BRINP2: variants seen among roughly 807,000 people sequenced by gnomAD.
BRINP2 encodes the protein BMP/retinoic acid inducible neural specific 2.
BRINP2 carries 21 observed loss-of-function variants against 69.2 expected under a neutral mutation model. The observed-to-expected ratio is 0.30, with a 90% CI of 0.22 to 0.44. BRINP2 has a LOEUF of 0.44. Ranked by LOEUF, BRINP2 falls within the 20% of genes least tolerant of loss-of-function variation. BRINP2 has a pLI of 1.00. For missense variants in BRINP2, 877 were observed against 986.0 expected (o/e 0.89, Z 1.48); for synonymous variants, 380 against 394.1 (o/e 0.96, Z 0.42).
intron 5 of BRINP2, chr1:177,275,072 C>A (rs1651451462): frequency 2.2e-6 from 1 of 454,278 alleles, no homozygotes; most frequent in Non-Finnish European, 4.4e-6. Flanking sequence ...TCCTCACTTT[C>A]CTGGCACAAG....
intron 4 of BRINP2, among the ~76,000 whole-genome samples, chr1:177,257,688 A>T (rs896799494): frequency 6.6e-6 from 1 of 152,198 alleles, no homozygotes; most frequent in Non-Finnish European, 1.5e-5. Flanking sequence ...GTTATTTCTA[A>T]TGATAAATAA....
chr1:177,245,410 G>T (rs1650342964), intron 2 of BRINP2, among the ~76,000 whole-genome samples: 1 of 152,176 alleles, frequency 6.6e-6, no homozygotes. Context: ...CAAAATACCA[G>T]AGGGGCTATT....
chr1:177,241,506 T>C (rs954448386), intron 2 of BRINP2, among the ~76,000 whole-genome samples: 1 of 152,222 alleles, frequency 6.6e-6, no homozygotes, highest in Non-Finnish European at 1.5e-5. Flanking sequence ...TCTTTCCTCC[T>C]CCTTCCCCTC....
chr1:177,235,592 A>C (rs938911613), intron 2 of BRINP2, among the ~76,000 whole-genome samples: 40 of 152,126 alleles, frequency 2.6e-4, no homozygotes, highest in African/African-American at 9.7e-4. Flanking sequence ...TCACAGGAGG[A>C]GCTCCAGAGC....
intron 1 of BRINP2, among the ~76,000 whole-genome samples, chr1:177,215,004 T>C (rs1345185232): frequency 1.3e-4 from 20 of 152,152 alleles, no homozygotes; most frequent in Admixed American, 1.3e-3. Flanking sequence ...TCAAAAAAAA[T>C]CAAACTTATT....
chr1:177,244,792 T>C lies in BRINP2; in HGVS notation c.270-11127T>C, dbSNP rs530477760. Among the ~76,000 whole-genome samples, 12 of 152,326 alleles carry C rather than the reference T, an allele frequency of 7.9e-5. No individual in the cohort carries two copies. In the South Asian group the frequency reaches 2.5e-3, roughly 32 times the overall value. On this transcript the variant is annotated intron_variant, in intron 2 of 7. Transcript: ENST00000361539. ...CAGGCTAAAAGAGCAGCACCTGCAG[T>C]ACCTGGAGGAAGCAGTTCTCATAGT...
chr1:177,186,130 C>T (rs1218355101), intron 1 of BRINP2, among the ~76,000 whole-genome samples: 7 of 152,268 alleles, frequency 4.6e-5, no homozygotes, highest in African/African-American at 1.7e-4. Context: ...AAGATCTGGC[C>T]ATCCCGCTGA....
chr1:177,187,588 G>C (rs1648464806), intron 1 of BRINP2, among the ~76,000 whole-genome samples: 2 of 152,316 alleles, frequency 1.3e-5, no homozygotes, highest in South Asian at 2.1e-4. Context: ...TGGAGGATCA[G>C]CTTGCAAGGA....
intron 2 of BRINP2, among the ~76,000 whole-genome samples, chr1:177,232,906 C>T (rs1649907485): frequency 6.6e-6 from 1 of 152,110 alleles, no homozygotes; most frequent in African/African-American, 2.4e-5. Flanking sequence ...CAGATAGTAG[C>T]CACATGTGTC....
At chr1:177,270,949 C>G (rs1318661971) in intron 4 of BRINP2, among the ~76,000 whole-genome samples, 2 of 152,164 alleles carry the variant, frequency 1.3e-5, no homozygotes, top group African/African-American at 4.8e-5. Context: ...CCAGTCTGAC[C>G]AGTAGCCAAT....
Position 177,281,665 on chromosome 1 carries a change from C to T in BRINP2, c.*137C>T, listed in dbSNP as rs1651706879. ...GCATCCAGTAGATGGGACCTCGAGG[C>T]TCGAGCTGAAGCAGGCGAGAGAGAA... is the stretch of plus-strand genomic sequence containing the variant. On this transcript the variant is annotated 3_prime_UTR_variant, in exon 8 of 8. Coordinates refer to ENST00000361539, the MANE Select transcript of BRINP2 (RefSeq NM_021165.4). 9.2e-6 allele frequency: 11 copies of T among 1,194,966 alleles called. No individual in the cohort carries two copies. The South Asian group carries it at 1.5e-4, about 16-fold the overall frequency. 74.0% of individuals were successfully genotyped at this position (1,194,966 alleles called of 1,614,324 possible).
Position 177,280,712 on chromosome 1 carries a change from G to A in BRINP2, c.1536G>A (p.Leu512=). 3 of 1,614,228 alleles carry A rather than the reference G, an allele frequency of 1.9e-6. No individual in the cohort carries two copies. Among genetic ancestry groups the A allele is most frequent in the Non-Finnish European group, 2.5e-6 (3 of 1,180,034 alleles). The change falls in exon 8 of 8, where the codon CTG becomes CTA. Residue 512 remains leucine, a synonymous_variant. Coordinates refer to ENST00000361539, the MANE Select transcript of BRINP2 (RefSeq NM_021165.4). The stretch of plus-strand genomic sequence containing the variant: ...GGCTGGAGACAGACTTGCAGGACCT[G>A]GAGCTAAAGTACCTGCTGCAGAAGC... The part of the protein sequence containing the change: ...FLGLETDLQD[L]ELKYLLQKQD...
intron 2 of BRINP2, among the ~76,000 whole-genome samples, chr1:177,233,826 C>A (rs1649934894): frequency 1.3e-5 from 2 of 152,172 alleles, no homozygotes; most frequent in African/African-American, 4.8e-5. Flanking sequence ...TTAGGCATGT[C>A]CTCCAGTGGC....
chr1:177,204,571 C>A (rs1033363553), intron 1 of BRINP2, among the ~76,000 whole-genome samples: 3 of 152,120 alleles, frequency 2.0e-5, no homozygotes, highest in Non-Finnish European at 4.4e-5. Context: ...TGGGCTTATG[C>A]AAGTGGGCTG....
intron 1 of BRINP2, among the ~76,000 whole-genome samples, chr1:177,206,191 A>G (rs1054924874): frequency 2.0e-5 from 3 of 152,178 alleles, no homozygotes; most frequent in South Asian, 4.1e-4. Context: ...CTCTTTCCCC[A>G]GTCAAACTTC....
At chr1:177,249,776 C>T (rs1650523904) in intron 2 of BRINP2, among the ~76,000 whole-genome samples, 1 of 152,192 alleles carries the variant, frequency 6.6e-6, no homozygotes, top group Non-Finnish European at 1.5e-5. Flanking sequence ...CTCAGGCTGC[C>T]TTCCAGTATT....
intron 5 of BRINP2, among the ~76,000 whole-genome samples, chr1:177,273,906 GC>G (rs34560763): frequency 0.21 from 31,731 of 152,088 alleles, 4,248 homozygotes; most frequent in East Asian, 0.35. Context: ...CTTATAAGAA[GC>G]CTTTACCTAG....
chr1:177,271,470 G>A (rs1368381562), intron 4 of BRINP2, among the ~76,000 whole-genome samples: 1 of 152,160 alleles, frequency 6.6e-6, no homozygotes, highest in Non-Finnish European at 1.5e-5. Flanking sequence ...AGACAAAAAG[G>A]TATTGAACTG....
At chr1:177,172,161 C>A (rs559867194) in intron 1 of BRINP2, among the ~76,000 whole-genome samples, 6 of 152,348 alleles carry the variant, frequency 3.9e-5, no homozygotes, top group Non-Finnish European at 7.3e-5. Flanking sequence ...GCTGAGGTTA[C>A]AATGCACGAT....
Sources: allele counts gnomAD v4.1 joint callset (sites outside exome capture counted in the v4.1 genomes callset), GRCh38; gene constraint gnomAD v4.1.1; transcripts MANE v1.5; gene names NCBI Gene and HGNC (gene_info 2026-07-23, HGNC 2026-07-21).